The following NR6A1 variants were observed in gnomAD, a reference collection of about 807,000 sequenced individuals.
The protein encoded by NR6A1 is nuclear receptor subfamily 6 group A member 1.
A neutral mutation model predicts 59.1 loss-of-function variants in NR6A1; 7 were observed. That is an observed-to-expected ratio of 0.12 (90% CI 0.07 to 0.22). The LOEUF (loss-of-function observed/expected upper bound fraction) is 0.22, where lower values mean the gene tolerates loss of function less well. NR6A1 is among the 10% of genes least tolerant of loss of function. The probability of loss-of-function intolerance (pLI) is 1.00; values close to 1 mark genes in which losing one functional copy is unlikely to be tolerated. For missense variants in NR6A1, 468 were observed against 611.6 expected (o/e 0.77, Z 2.48); for synonymous variants, 243 against 236.1 (o/e 1.03, Z -0.27).
At chr9:124,666,770 TA>T (rs762662088) in intron 2 of NR6A1, among the ~76,000 whole-genome samples, 1 of 152,076 alleles carries the variant, frequency 6.6e-6, no homozygotes, top group Non-Finnish European at 1.5e-5. Flanking sequence ...CACACAGCAA[TA>T]AACAAGACAA....
At chr9:124,630,558 G>C (rs1349528668) in intron 2 of NR6A1, among the ~76,000 whole-genome samples, 1 of 150,984 alleles carries the variant, frequency 6.6e-6, no homozygotes, top group East Asian at 2.0e-4. Flanking sequence ...AAAACCAGTG[G>C]AGGCTGGCTA....
At chr9:124,558,191 G>A (rs890874131) in intron 2 of NR6A1, among the ~76,000 whole-genome samples, 1 of 152,158 alleles carries the variant, frequency 6.6e-6, no homozygotes, top group Non-Finnish European at 1.5e-5. Flanking sequence ...AGAACCTACA[G>A]AACGACAATC....
chr9:124,530,489 G>GA (rs1395636673), intron 7 of NR6A1, among the ~76,000 whole-genome samples: 1 of 152,220 alleles, frequency 6.6e-6, no homozygotes, highest in Non-Finnish European at 1.5e-5. Flanking sequence ...TTCAAAGCCA[G>GA]AAAGTTGGAC....
At chr9:124,627,359 A>G (rs1205297005) in intron 2 of NR6A1, among the ~76,000 whole-genome samples, 1 of 152,168 alleles carries the variant, frequency 6.6e-6, no homozygotes, top group African/African-American at 2.4e-5. Context: ...ATTAACTAAG[A>G]TGTACCTTTA....
intron 1 of NR6A1, among the ~76,000 whole-genome samples, chr9:124,765,996 G>A (rs114814333): frequency 0.024 from 3,618 of 152,192 alleles, 116 homozygotes; most frequent in East Asian, 0.096. Flanking sequence ...TTTTCTTAAA[G>A]ACAAGCCATG....
chr9:124,739,892 G>A (rs1242723034), intron 1 of NR6A1, among the ~76,000 whole-genome samples: 1 of 152,218 alleles, frequency 6.6e-6, no homozygotes, highest in Non-Finnish European at 1.5e-5. Context: ...GTGCAACAGA[G>A]ACATGGACTC....
chr9:124,527,851 C>G (rs918639359), intron 7 of NR6A1, among the ~76,000 whole-genome samples: 1 of 152,148 alleles, frequency 6.6e-6, no homozygotes, highest in African/African-American at 2.4e-5. Flanking sequence ...ATACTTCATA[C>G]CAGAGATGGA....
intron 2 of NR6A1, among the ~76,000 whole-genome samples, chr9:124,579,011 G>C (rs1263448462): frequency 6.6e-6 from 1 of 152,232 alleles, no homozygotes; most frequent in Non-Finnish European, 1.5e-5. Context: ...CCAGGTGCCA[G>C]TGGCTCACAC....
intron 3 of NR6A1, among the ~76,000 whole-genome samples, chr9:124,544,953 T>C (rs1231971563): frequency 1.3e-5 from 2 of 152,186 alleles, no homozygotes; most frequent in Non-Finnish European, 2.9e-5. Flanking sequence ...GAAGATAAGC[T>C]AATGACATTA....
At chr9:124,665,837 C>T (rs992556415) in intron 2 of NR6A1, among the ~76,000 whole-genome samples, 4 of 152,176 alleles carry the variant, frequency 2.6e-5, no homozygotes, top group Non-Finnish European at 5.9e-5. Context: ...ATTAATCTTA[C>T]GAACCAGAAA....
At chr9:124,670,580 C>G (rs1475488591) in intron 2 of NR6A1, among the ~76,000 whole-genome samples, 1 of 149,382 alleles carries the variant, frequency 6.7e-6, no homozygotes, top group Non-Finnish European at 1.5e-5. Context: ...ACAGCTTCAG[C>G]AAAAGTCATG....
intron 2 of NR6A1, among the ~76,000 whole-genome samples, chr9:124,691,703 A>T (rs1762915450): frequency 6.6e-6 from 1 of 152,064 alleles, no homozygotes; most frequent in Admixed American, 6.6e-5. Context: ...TTTTTGGTTT[A>T]TTTTTTGCTT....
intron 2 of NR6A1, among the ~76,000 whole-genome samples, chr9:124,630,694 T>TTTG (rs1836411883): frequency 6.8e-6 from 1 of 146,584 alleles, no homozygotes; most frequent in African/African-American, 2.6e-5. Context: ...TTTTTTTTTT[T>TTTG]TGAGACAGAG....
intron 6 of NR6A1, among the ~76,000 whole-genome samples, chr9:124,536,663 T>TA (rs79553613): frequency 0.013 from 1,732 of 128,480 alleles, 20 homozygotes; most frequent in African/African-American, 0.031. Context: ...AGACTCTGTC[T>TA]AAAAAAAAAA....
At chr9:124,693,633 C>T in intron 2 of NR6A1, 1 of 500,038 alleles carries the variant, frequency 2.0e-6, no homozygotes. Flanking sequence ...GACACACAGA[C>T]TTCAAAGAAC....
intron 2 of NR6A1, among the ~76,000 whole-genome samples, chr9:124,645,749 A>G (rs1213311710): frequency 6.6e-6 from 1 of 152,246 alleles, no homozygotes; most frequent in Non-Finnish European, 1.5e-5. Context: ...TGAACTCAAC[A>G]GCACTACCAA....
At chr9:124,550,359 G>C (rs965486966) in intron 3 of NR6A1, among the ~76,000 whole-genome samples, 1 of 146,844 alleles carries the variant, frequency 6.8e-6, no homozygotes. Flanking sequence ...TTATTACTGT[G>C]ATGTTCTAAT....
chr9:124,607,318 C>G (rs1835603159), intron 2 of NR6A1: 1 of 152,190 alleles, frequency 6.6e-6, no homozygotes, highest in Non-Finnish European at 1.5e-5. Context: ...AGCAGGGGAC[C>G]ACCAGGTTGC....
chr9:124,650,383 A>AT (rs1837063125), intron 2 of NR6A1, among the ~76,000 whole-genome samples: 3 of 152,218 alleles, frequency 2.0e-5, no homozygotes. Flanking sequence ...TTAAAAAAAA[A>AT]CAACTGATCT....
Sources: allele counts gnomAD v4.1 joint callset (sites outside exome capture counted in the v4.1 genomes callset), GRCh38; gene constraint gnomAD v4.1.1; transcripts MANE v1.5; gene names NCBI Gene and HGNC (gene_info 2026-07-23, HGNC 2026-07-21).